The following FBXL17 variants were observed in gnomAD, a reference collection of about 807,000 sequenced individuals.
FBXL17 encodes F-box/LRR-repeat protein 17.
A neutral mutation model predicts 66.2 loss-of-function variants in FBXL17; 22 were observed. The observed-to-expected ratio is 0.33, with a 90% CI of 0.24 to 0.47. FBXL17 has a LOEUF of 0.47. Among genes scored for constraint, FBXL17 ranks in the 20% least tolerant of loss-of-function variants. The pLI is 1.00. For synonymous variants in FBXL17, 474 were observed against 400.5 expected, an observed-to-expected ratio of 1.18 and a Z score of -2.19; for missense variants, 878 against 948.2, an observed-to-expected ratio of 0.93 and a Z score of 0.97.
chr5:108,165,297 T>TA (rs1752375240), intron 6 of FBXL17, among the ~76,000 whole-genome samples: 1 of 149,974 alleles, frequency 6.7e-6, no homozygotes. Flanking sequence ...AGGAAGTGGG[T>TA]AAGTTACACA....
chr5:108,052,103 A>G (rs1747498900), intron 6 of FBXL17, among the ~76,000 whole-genome samples: 1 of 128,772 alleles, frequency 7.8e-6, no homozygotes, highest in Non-Finnish European at 1.6e-5. Flanking sequence ...ACAGAGTGAG[A>G]CTTCGTCTCA....
At chr5:108,231,991 C>CTGAGA (rs141294102) in intron 4 of FBXL17, among the ~76,000 whole-genome samples, 2 of 151,696 alleles carry the variant, frequency 1.3e-5, no homozygotes, top group Non-Finnish European at 2.9e-5. Context: ...CTATGACCTG[C>CTGAGA]TGAGGTGCTT....
At chr5:108,321,109 T>C (rs1463476516) in intron 4 of FBXL17, among the ~76,000 whole-genome samples, 1 of 151,364 alleles carries the variant, frequency 6.6e-6, no homozygotes, top group Non-Finnish European at 1.5e-5. Flanking sequence ...AATTTTCACA[T>C]CCAATATAAC....
Position 108,074,568 on chromosome 5 carries a change from A to G in FBXL17, c.1746-53567T>C, listed in dbSNP as rs542953017. On this transcript the variant is annotated intron_variant, in intron 6 of 8. Transcript: ENST00000542267. ...ACTCTTTCTTCCTCTTTGCCTTTTA[A>G]AGTACACATGAAAGGATCTACAGAG... Among the ~76,000 whole-genome samples the G allele has an allele frequency of 2.3e-4, 35 of 152,088 alleles. No individual in the cohort carries two copies. The South Asian group carries it at 5.6e-3, about 24-fold the overall frequency.
At chr5:107,982,625 A>C (rs1328618562) in intron 7 of FBXL17, among the ~76,000 whole-genome samples, 1 of 152,232 alleles carries the variant, frequency 6.6e-6, no homozygotes, top group Non-Finnish European at 1.5e-5. Context: ...TAGGACACAC[A>C]GCCAAGAGTT....
At chr5:108,226,438 T>A (rs2150079365) in intron 4 of FBXL17, among the ~76,000 whole-genome samples, 1 of 152,364 alleles carries the variant, frequency 6.6e-6, no homozygotes, top group Admixed American at 6.5e-5. Context: ...TATGATTTTT[T>A]AAATGTCATT....
chr5:108,309,788 G>A (rs1473373007), intron 4 of FBXL17, among the ~76,000 whole-genome samples: 1 of 151,986 alleles, frequency 6.6e-6, no homozygotes, highest in African/African-American at 2.4e-5. Context: ...TGTGATTTCT[G>A]CCATTTGTAC....
chr5:108,080,971 A>T (rs1340666306), intron 6 of FBXL17, among the ~76,000 whole-genome samples: 1 of 152,190 alleles, frequency 6.6e-6, no homozygotes, highest in Non-Finnish European at 1.5e-5. Context: ...AGGGAAAGGG[A>T]TTCTCTACAG....
At chr5:108,089,069 C>T (rs182603363) in intron 6 of FBXL17, among the ~76,000 whole-genome samples, 1 of 152,308 alleles carries the variant, frequency 6.6e-6, no homozygotes, top group African/African-American at 2.4e-5. Context: ...TTCACTGTCT[C>T]CCCATATTCA....
chr5:107,879,754 A>G (rs2112498990), intron 8 of FBXL17: 1 of 985,410 alleles, frequency 1.0e-6, no homozygotes, highest in Non-Finnish European at 1.2e-6. Context: ...ACCATTTACA[A>G]AAGTAGCACA....
intron 6 of FBXL17, among the ~76,000 whole-genome samples, chr5:108,154,497 G>T (rs556222680): frequency 6.7e-6 from 1 of 149,514 alleles, no homozygotes; most frequent in East Asian, 2.0e-4. Context: ...GTCTGAGGCA[G>T]GAGAATTGCT....
intron 7 of FBXL17, among the ~76,000 whole-genome samples, chr5:107,973,354 ATTTTTTTT>A (rs200079422): frequency 2.5e-5 from 3 of 120,436 alleles, no homozygotes; most frequent in Non-Finnish European, 3.5e-5. Context: ...TTTTTTTGTA[ATTTTTTTT>A]TTTTTTTTTT....
intron 8 of FBXL17, among the ~76,000 whole-genome samples, chr5:107,866,541 G>C (rs1561510250): frequency 1.3e-5 from 2 of 152,156 alleles, no homozygotes. Context: ...AGAAACTTCA[G>C]AGTTACAGAG....
At chr5:108,376,853 C>T (rs1208304498) in intron 1 of FBXL17, among the ~76,000 whole-genome samples, 3 of 140,584 alleles carry the variant, frequency 2.1e-5, no homozygotes, top group African/African-American at 8.0e-5. Context: ...GCGGTGTGAT[C>T]TCGGCTCACT....
At chr5:107,896,316 A>G (rs1207005159) in intron 7 of FBXL17, among the ~76,000 whole-genome samples, 1 of 152,178 alleles carries the variant, frequency 6.6e-6, no homozygotes, top group Non-Finnish European at 1.5e-5. Context: ...GCAAAATAAC[A>G]AAGGAGATTA....
intron 7 of FBXL17, among the ~76,000 whole-genome samples, chr5:108,012,918 A>G (rs371604958): frequency 2.6e-4 from 40 of 151,486 alleles, no homozygotes; most frequent in African/African-American, 7.5e-4. Flanking sequence ...GGGAGGCTGA[A>G]GCAGGAGAAT....
chr5:108,104,523 G>A (rs1278897618), intron 6 of FBXL17, among the ~76,000 whole-genome samples: 5 of 152,224 alleles, frequency 3.3e-5, no homozygotes, highest in Admixed American at 1.3e-4. Flanking sequence ...ACCTCCTACA[G>A]AGCAGAGCTC....
chr5:108,226,692 A>G (rs1041042804), intron 4 of FBXL17, among the ~76,000 whole-genome samples: 34 of 152,300 alleles, frequency 2.2e-4, no homozygotes, highest in African/African-American at 7.5e-4. Flanking sequence ...AGTGAAGCAG[A>G]TTGCCTTCTT....
chr5:108,337,267 AAAAAG>A (rs891394360), intron 4 of FBXL17, among the ~76,000 whole-genome samples: 18 of 152,094 alleles, frequency 1.2e-4, no homozygotes, highest in Admixed American at 1.0e-3. Flanking sequence ...AAAAAAAAAA[AAAAAG>A]AATTTTCCCA....
Sources: gnomAD v4.1 joint callset for allele counts (sites outside exome capture counted in the v4.1 genomes callset) on GRCh38, gnomAD v4.1.1 for gene constraint, MANE v1.5 for transcripts, NCBI Gene and HGNC (gene_info 2026-07-23, HGNC 2026-07-21) for gene names.